DMD: variants seen among roughly 807,000 people sequenced by gnomAD.
DMD encodes mutant dystrophin.
In DMD, 63 loss-of-function variants were observed where a neutral mutation model predicts 330.1. The ratio of observed to expected loss-of-function variants is 0.19; its 90% CI spans 0.16 to 0.24. The LOEUF (loss-of-function observed/expected upper bound fraction) is 0.24, where lower values mean the gene tolerates loss of function less well. Among genes scored for constraint, DMD ranks in the 10% least tolerant of loss-of-function variants. The pLI, the probability that DMD is intolerant of heterozygous loss-of-function variation, is 1.00. For synonymous variants in DMD, 1,223 were observed against 959.8 expected (o/e 1.27, Z -5.07); for missense variants, 3,344 against 2,684.1 (o/e 1.25, Z -5.43).
At chrX:31,624,435 A>G (rs1168758412) in intron 55 of DMD, among the ~76,000 whole-genome samples, 2 of 112,251 alleles carry the variant, frequency 1.8e-5, no homozygotes, top group African/African-American at 6.5e-5. Flanking sequence ...TAAAGAATCT[A>G]TGAATTATGA....
At position 32,638,355 on chromosome X, in the gene DMD, C is replaced by G. The variant is rs998267187; in HGVS notation, c.1331+5777G>C. Reference sequence around the variant, plus strand: ...ACGTCACTTGATAGAAAAATAGGAACAGAAGATATCTAAGTAGAGGTTTAC... The same window carrying G: ...ACGTCACTTGATAGAAAAATAGGAAGAGAAGATATCTAAGTAGAGGTTTAC... On this transcript the variant is annotated intron_variant, in intron 11 of 78. Coordinates refer to ENST00000357033, the MANE Select transcript of DMD (RefSeq NM_004006.3). Among the ~76,000 whole-genome samples, 5 of 111,910 alleles carry G rather than the reference C, an allele frequency of 4.5e-5. No individual in the cohort carries two copies. The South Asian group carries it at 1.9e-3, about 41-fold the overall frequency.
intron 1 of DMD, among the ~76,000 whole-genome samples, chrX:33,029,409 T>C (rs1379786701): frequency 8.9e-6 from 1 of 112,387 alleles, no homozygotes; most frequent in African/African-American, 3.2e-5. Context: ...CTTTCATGAC[T>C]GTCATGCTTC....
chrX:32,288,229 A>C (rs895581318), intron 42 of DMD, among the ~76,000 whole-genome samples: 1 of 111,681 alleles, frequency 9.0e-6, no homozygotes, highest in Non-Finnish European at 1.9e-5. Flanking sequence ...CAAAATTCTG[A>C]ACTGCATTTC....
At position 32,699,377 on chromosome X, in the gene DMD, G is replaced by T; in HGVS notation, c.650-84C>A. ...GGATAATGAACAAATCAAAGTTAAA[G>T]GAAGACGATAGATTAATGAACAGTG... On this transcript the variant is annotated intron_variant, in intron 7 of 78. Transcript: ENST00000357033. 6.5e-6 allele frequency: 5 copies of T among 769,685 alleles called. No individual in the cohort carries two copies. In the South Asian group the frequency reaches 8.5e-5, roughly 13 times the overall value. The allele number at this position is 769,685 out of a possible 1,213,427, so 63.4% of individuals were successfully genotyped here.
chrX:31,384,125 A>G (rs1215448031), intron 60 of DMD, among the ~76,000 whole-genome samples: 1 of 111,161 alleles, frequency 9.0e-6, no homozygotes, highest in Admixed American at 9.5e-5. Context: ...GCCCACACAG[A>G]GTTTTGTTCC....
intron 7 of DMD, among the ~76,000 whole-genome samples, chrX:32,736,182 G>C (rs199999509): frequency 1.6e-3 from 184 of 111,981 alleles, no homozygotes; most frequent in South Asian, 4.1e-3. Flanking sequence ...TCATCACTGG[G>C]CATCAGAGAA....
At chrX:32,885,429 C>CA (rs11407092) in intron 2 of DMD, among the ~76,000 whole-genome samples, 34,783 of 108,545 alleles carry the variant, frequency 0.32, 4,335 homozygotes, top group Non-Finnish European at 0.36. Flanking sequence ...AGAGAAATGA[C>CA]AAAAAAAAGT....
intron 17 of DMD, among the ~76,000 whole-genome samples, chrX:32,527,979 T>C (rs2148862246): frequency 8.9e-6 from 1 of 112,026 alleles, no homozygotes; most frequent in African/African-American, 3.2e-5. Flanking sequence ...ATGTTTAAGT[T>C]GCTTTAAATG....
At chrX:31,912,302 C>T (rs1379475967) in intron 47 of DMD, among the ~76,000 whole-genome samples, 1 of 111,280 alleles carries the variant, frequency 9.0e-6, no homozygotes, top group Non-Finnish European at 1.9e-5. Flanking sequence ...TGTGACAACG[C>T]CCGACCGCAC....
chrX:32,907,029 T>G (rs2086782970), intron 2 of DMD, among the ~76,000 whole-genome samples: 1 of 112,343 alleles, frequency 8.9e-6, no homozygotes, highest in Non-Finnish European at 1.9e-5. Context: ...GTCTCTGTAT[T>G]TGTTGAATGA....
intron 60 of DMD, among the ~76,000 whole-genome samples, chrX:31,393,492 C>CAAAAAAAAAAAAAAAAAAAAAAA (rs1308905111): frequency 1.4e-5 from 1 of 72,426 alleles, no homozygotes. Flanking sequence ...AAAAAAAAAA[C>CAAAAAAAAAAAAAAAAAAAAAAA]AAAAAAAAAA....
chrX:32,418,721 T>C, intron 29 of DMD, among the ~76,000 whole-genome samples: 1 of 110,708 alleles, frequency 9.0e-6, no homozygotes, highest in Non-Finnish European at 1.9e-5. Flanking sequence ...TTTAGTTGTT[T>C]AGAACCGGCA....
At chrX:32,391,631 G>T (rs1279844781) in intron 30 of DMD, among the ~76,000 whole-genome samples, 2 of 111,978 alleles carry the variant, frequency 1.8e-5, no homozygotes, top group Non-Finnish European at 3.8e-5. Context: ...TTCATTGGTT[G>T]AATAACTACC....
In DMD at chrX:32,485,062, A is replaced by T; in HGVS notation, c.2660T>A (p.Ile887Asn). 1 of 1,211,254 alleles carries T rather than the reference A, an allele frequency of 8.3e-7. No homozygotes were observed. Among genetic ancestry groups the T allele is most frequent in the Non-Finnish European group, 1.1e-6 (1 of 895,181 alleles). The change falls in exon 21 of 79, where the codon ATT becomes AAT. Residue 887 changes from isoleucine to asparagine, a missense_variant. Coordinates refer to ENST00000357033, the MANE Select transcript of DMD (RefSeq NM_004006.3). ...VNRLSDLQPQIERLKIQSIAL... is the reference protein window; with the variant it reads ...VNRLSDLQPQNERLKIQSIAL... ...TATGCTTTGAATTTTTAATCGTTCA[A>T]TTTGAGGTTGAAGATCTGATAGCCG... is the stretch of plus-strand genomic sequence containing the variant.
rs776420984 is a variant in DMD at position 32,362,833 on chromosome X, G to A, written c.5280C>T (p.Leu1760=). 23 of 1,208,817 alleles carry A rather than the reference G, an allele frequency of 1.9e-5. No individual in the cohort carries two copies. In the East Asian group the frequency reaches 6.8e-4, roughly 36 times the overall value. Residue 1760 remains leucine (L), a synonymous_variant, in exon 37 of 79, where the codon CTC becomes CTT. Transcript: ENST00000357033. ...GTGAAATGGCTGCAAATCGATGGTT[G>A]AGCTCTGAGATTTGGGGCTCTACTA... ...RKLVEPQISE[L]NHRFAAISHR...
intron 44 of DMD, among the ~76,000 whole-genome samples, chrX:32,128,873 G>A (rs751944973): frequency 8.9e-6 from 1 of 112,134 alleles, no homozygotes; most frequent in African/African-American, 3.2e-5. Flanking sequence ...CACCAGATAT[G>A]GAGAAGATTT....
At chrX:32,172,029 A>G (rs1282627920) in intron 44 of DMD, among the ~76,000 whole-genome samples, 2 of 112,173 alleles carry the variant, frequency 1.8e-5, no homozygotes, top group Middle Eastern at 4.3e-3. Flanking sequence ...ATAAAGAAAT[A>G]TAGATAGGAT....
intron 62 of DMD, among the ~76,000 whole-genome samples, chrX:31,294,033 C>T (rs903163798): frequency 1.8e-5 from 2 of 111,852 alleles, no homozygotes; most frequent in African/African-American, 3.3e-5. Context: ...AAGGAAAGCA[C>T]ATAATATTTT....
intron 52 of DMD, among the ~76,000 whole-genome samples, chrX:31,727,021 GA>G (rs1385088384): frequency 1.8e-5 from 2 of 109,235 alleles, no homozygotes; most frequent in Non-Finnish European, 3.8e-5. Context: ...AATGCAATAT[GA>G]AAAAAAAATG....
Sources: gnomAD v4.1 joint callset for allele counts (sites outside exome capture counted in the v4.1 genomes callset) on GRCh38, gnomAD v4.1.1 for gene constraint, MANE v1.5 for transcripts, NCBI Gene and HGNC (gene_info 2026-07-23, HGNC 2026-07-21) for gene names.